The following HS3ST4 variants were observed in gnomAD, a reference collection of about 807,000 sequenced individuals.
The protein encoded by HS3ST4 is heparan sulfate glucosamine 3-O-sulfotransferase 4.
HS3ST4 carries 17 observed loss-of-function variants against 29.2 expected under a neutral mutation model. That is an observed-to-expected ratio of 0.58 (90% confidence interval 0.40 to 0.87). The LOEUF (loss-of-function observed/expected upper bound fraction) is 0.87, where lower values mean the gene tolerates loss of function less well. HS3ST4 is among the 40% of genes least tolerant of loss of function. The pLI is 0.00. For synonymous variants in HS3ST4, 314 were observed against 285.7 expected (o/e 1.10, Z -1.00); for missense variants, 627 against 634.5 (o/e 0.99, Z 0.13).
At chr16:25,838,764 T>C (rs1035724734) in intron 1 of HS3ST4, among the ~76,000 whole-genome samples, 7 of 152,126 alleles carry the variant, frequency 4.6e-5, no homozygotes, top group Non-Finnish European at 8.8e-5. Context: ...TAACCACGAA[T>C]CACTGCAGAC....
chr16:26,135,890 T>C lies in HS3ST4; in HGVS notation c.1013T>C (p.Leu338Pro), dbSNP rs774326060. The C allele has an allele frequency of 6.2e-7, 1 of 1,613,996 alleles. No homozygotes were observed. The highest frequency in any genetic ancestry group is 1.7e-5 in the Admixed American group (1 of 60,022). The change falls in exon 2 of 2, where the codon CTG (leucine) becomes CCG (proline). Residue 338 changes from leucine (L) to proline (P), a missense_variant. This residue lies in a region of HS3ST4 where 225 missense variants were observed against 293.7 expected (regional missense o/e 0.77). Transcript: ENST00000331351. ...WSAIRIGIYA[L>P]HLENWLQYFP... The stretch of plus-strand genomic sequence containing the variant: ...GCCATTCGAATAGGGATCTATGCGC[T>C]GCATCTGGAAAACTGGCTCCAGTAT...
At chr16:25,884,610 G>A (rs1463309127) in intron 1 of HS3ST4, among the ~76,000 whole-genome samples, 1 of 152,140 alleles carries the variant, frequency 6.6e-6, no homozygotes, top group Non-Finnish European at 1.5e-5. Flanking sequence ...GTATTTCCCA[G>A]GCTGGAGTGC....
chr16:26,043,581 G>A (rs943050536), intron 1 of HS3ST4, among the ~76,000 whole-genome samples: 2 of 152,182 alleles, frequency 1.3e-5, no homozygotes, highest in African/African-American at 2.4e-5. Flanking sequence ...GGTCCCAGAT[G>A]TCGGGTATCA....
chr16:25,759,081 A>G (rs533262426), intron 1 of HS3ST4, among the ~76,000 whole-genome samples: 2 of 152,354 alleles, frequency 1.3e-5, no homozygotes, highest in East Asian at 1.9e-4. Context: ...GGGGCCTTCC[A>G]GGTGCAAATG....
intron 1 of HS3ST4, among the ~76,000 whole-genome samples, chr16:25,949,476 T>G (rs1407660655): frequency 6.6e-6 from 1 of 152,182 alleles, no homozygotes; most frequent in Non-Finnish European, 1.5e-5. Context: ...ACTGGGACCT[T>G]TCTTTTATGG....
chr16:25,711,394 C>T (rs893818282), intron 1 of HS3ST4, among the ~76,000 whole-genome samples: 9 of 151,986 alleles, frequency 5.9e-5, no homozygotes, highest in South Asian at 4.2e-4. Context: ...AAATCCCTTC[C>T]GCCTGGGCTA....
intron 1 of HS3ST4, among the ~76,000 whole-genome samples, chr16:26,106,043 T>C (rs557720970): frequency 2.0e-5 from 3 of 152,280 alleles, no homozygotes; most frequent in Admixed American, 2.0e-4. Context: ...GAACAAAAGA[T>C]ACAGTGAAAC....
chr16:25,929,363 TCAAA>T (rs376053647), intron 1 of HS3ST4, among the ~76,000 whole-genome samples: 6 of 151,548 alleles, frequency 4.0e-5, no homozygotes, highest in African/African-American at 1.5e-4. Context: ...AGACTCCATC[TCAAA>T]CAAACAAACA....
At chr16:25,775,070 A>G (rs1423730539) in intron 1 of HS3ST4, among the ~76,000 whole-genome samples, 1 of 152,156 alleles carries the variant, frequency 6.6e-6, no homozygotes, top group Non-Finnish European at 1.5e-5. Flanking sequence ...CACCCACCAC[A>G]TTTATGTATA....
chr16:25,767,084 GA>G (rs1478653798), intron 1 of HS3ST4, among the ~76,000 whole-genome samples: 2 of 152,144 alleles, frequency 1.3e-5, no homozygotes, highest in African/African-American at 4.8e-5. Flanking sequence ...ATTGCAAAGG[GA>G]AAAAATAGCT....
intron 1 of HS3ST4, among the ~76,000 whole-genome samples, chr16:26,025,026 T>G (rs1969453251): frequency 6.6e-6 from 1 of 152,142 alleles, no homozygotes; most frequent in South Asian, 2.1e-4. Flanking sequence ...TGGGTAAAGT[T>G]CCAACTTTTT....
At chr16:26,078,480 C>T (rs1473212667) in intron 1 of HS3ST4, among the ~76,000 whole-genome samples, 1 of 152,052 alleles carries the variant, frequency 6.6e-6, no homozygotes, top group African/African-American at 2.4e-5. Context: ...AGAAATAGAC[C>T]CATGCACATG....
At chr16:26,072,594 C>T (rs1898614885) in intron 1 of HS3ST4, among the ~76,000 whole-genome samples, 1 of 152,150 alleles carries the variant, frequency 6.6e-6, no homozygotes. Flanking sequence ...CAAGACAACT[C>T]TTTAGAAATA....
chr16:26,001,268 G>A (rs1482118718), intron 1 of HS3ST4, among the ~76,000 whole-genome samples: 4 of 152,044 alleles, frequency 2.6e-5, no homozygotes, highest in East Asian at 3.9e-4. Context: ...CAAGTATTTC[G>A]GGGTAAAAGG....
chr16:25,993,334 T>G (rs1462466029), intron 1 of HS3ST4, among the ~76,000 whole-genome samples: 1 of 152,094 alleles, frequency 6.6e-6, no homozygotes, highest in Non-Finnish European at 1.5e-5. Flanking sequence ...AGTGAAATAA[T>G]GTGGAGTGGA....
intron 1 of HS3ST4, among the ~76,000 whole-genome samples, chr16:25,757,158 T>G (rs141540837): frequency 6.6e-6 from 1 of 152,270 alleles, no homozygotes; most frequent in Non-Finnish European, 1.5e-5. Context: ...GTGAATAGTG[T>G]TCTCTAGATT....
chr16:25,927,037 G>T (rs1181686388), intron 1 of HS3ST4, among the ~76,000 whole-genome samples: 1 of 151,884 alleles, frequency 6.6e-6, no homozygotes, highest in East Asian at 1.9e-4. Context: ...ACTCCAGCCT[G>T]GGCGACAAGA....
chr16:25,820,167 A>G, intron 1 of HS3ST4, among the ~76,000 whole-genome samples: 1 of 151,776 alleles, frequency 6.6e-6, no homozygotes, highest in Non-Finnish European at 1.5e-5. Context: ...CATGTAAAGT[A>G]CAGAGGGAGC....
At chr16:25,869,677 G>T (rs540678489) in intron 1 of HS3ST4, among the ~76,000 whole-genome samples, 1 of 152,082 alleles carries the variant, frequency 6.6e-6, no homozygotes. Flanking sequence ...TCTGTTCCAA[G>T]CCTAGTATCA....
Sources: allele counts gnomAD v4.1 joint callset (sites outside exome capture counted in the v4.1 genomes callset), GRCh38; gene constraint gnomAD v4.1.1; regional missense constraint gnomAD v4.1.1; transcripts MANE v1.5; gene names NCBI Gene and HGNC (gene_info 2026-07-23, HGNC 2026-07-21).